The following PTPN14 variants were observed in gnomAD, a reference collection of about 807,000 sequenced individuals.
PTPN14 encodes the protein tyrosine-protein phosphatase non-receptor type 14.
PTPN14 carries 53 observed loss-of-function variants against 126.8 expected under a neutral mutation model. That is an observed-to-expected ratio of 0.42 (90% CI 0.34 to 0.53). The LOEUF (loss-of-function observed/expected upper bound fraction) is 0.53, where lower values mean the gene tolerates loss of function less well. Among genes scored for constraint, PTPN14 ranks in the 20% least tolerant of loss-of-function variants. PTPN14 has a pLI of 0.08. For synonymous variants in PTPN14, 630 were observed against 599.3 expected, an observed-to-expected ratio of 1.05 and a Z score of -0.75; for missense variants, 1,257 against 1,552.9, an observed-to-expected ratio of 0.81 and a Z score of 3.20.
intron 1 of PTPN14, among the ~76,000 whole-genome samples, chr1:214,543,415 T>C (rs1011033358): frequency 2.6e-5 from 4 of 152,186 alleles, no homozygotes; most frequent in African/African-American, 9.6e-5. Flanking sequence ...AGCTTAAAAA[T>C]GGAATTTGTC....
chr1:214,514,722 C>T (rs1055215735), intron 1 of PTPN14, among the ~76,000 whole-genome samples: 3 of 152,298 alleles, frequency 2.0e-5, no homozygotes, highest in East Asian at 1.9e-4. Flanking sequence ...CAAGCCTTCA[C>T]CCCATGACCC....
rs60776204 is a variant in PTPN14 at position 214,453,421 on chromosome 1, A to C, written c.175-1447T>G. ...ATCTTTTGCACTCACTGTCTCAGTA[A>C]CTTTACACAAGTCATTGAGCCTTCT... is the stretch of plus-strand genomic sequence containing the variant. On this transcript the variant is annotated intron_variant, in intron 2 of 18. Coordinates refer to ENST00000366956, the MANE Select transcript of PTPN14 (RefSeq NM_005401.5). 9.9e-3 allele frequency among the ~76,000 whole-genome samples: 1,510 copies of C among 152,316 alleles called. 12 individuals carry two copies. The highest frequency in any genetic ancestry group is 0.034 in the African/African-American group (1,430 of 41,568).
At chr1:214,523,315 T>G (rs1655306348) in intron 1 of PTPN14, among the ~76,000 whole-genome samples, 1 of 152,166 alleles carries the variant, frequency 6.6e-6, no homozygotes, top group African/African-American at 2.4e-5. Context: ...GAGCAATCTG[T>G]CATGCACTAC....
At chr1:214,509,488 G>A (rs180820197) in intron 1 of PTPN14, among the ~76,000 whole-genome samples, 4 of 152,324 alleles carry the variant, frequency 2.6e-5, no homozygotes, top group East Asian at 1.9e-4. Context: ...TTTGTGGTTG[G>A]TTCAATCTAT....
At chr1:214,474,005 A>C (rs2102666056) in intron 1 of PTPN14, among the ~76,000 whole-genome samples, 1 of 152,364 alleles carries the variant, frequency 6.6e-6, no homozygotes, top group South Asian at 2.1e-4. Flanking sequence ...AGCACATTTT[A>C]AGATTCCATT....
intron 2 of PTPN14, among the ~76,000 whole-genome samples, chr1:214,457,025 T>A (rs1395279754): frequency 6.6e-6 from 1 of 152,202 alleles, no homozygotes; most frequent in Non-Finnish European, 1.5e-5. Context: ...TTTAATTGAG[T>A]ACCCCCCAAA....
chr1:214,396,927 T>C (rs1658892769), intron 8 of PTPN14, among the ~76,000 whole-genome samples: 1 of 152,250 alleles, frequency 6.6e-6, no homozygotes, highest in Non-Finnish European at 1.5e-5. Flanking sequence ...TTATACTTTG[T>C]GGCAGATATA....
intron 17 of PTPN14, among the ~76,000 whole-genome samples, chr1:214,368,238 T>C (rs1290339780): frequency 1.3e-5 from 2 of 150,996 alleles, no homozygotes; most frequent in Non-Finnish European, 2.9e-5. Flanking sequence ...GATGGAGTTT[T>C]GCTCTTGTTG....
chr1:214,387,056 C>A, intron 11 of PTPN14, 134 bp from the exon 12 acceptor site: 2 of 721,840 alleles, frequency 2.8e-6, no homozygotes, highest in Non-Finnish European at 4.7e-6. Context: ...CCTGCCACCC[C>A]TTTGACTCAA....
At chr1:214,544,622 A>T (rs751480907) in intron 1 of PTPN14, among the ~76,000 whole-genome samples, 6 of 151,932 alleles carry the variant, frequency 3.9e-5, no homozygotes, top group Non-Finnish European at 7.4e-5. Flanking sequence ...TGGTGGCTGT[A>T]TGCCTGTAAT....
chr1:214,525,219 CTT>C (rs926019406), intron 1 of PTPN14, among the ~76,000 whole-genome samples: 1 of 152,156 alleles, frequency 6.6e-6, no homozygotes, highest in African/African-American at 2.4e-5. Flanking sequence ...GAATATGTAT[CTT>C]TTTCCACAGT....
intron 3 of PTPN14, among the ~76,000 whole-genome samples, chr1:214,418,172 G>T (rs1355627758): frequency 6.6e-6 from 1 of 152,180 alleles, no homozygotes; most frequent in Non-Finnish European, 1.5e-5. Context: ...GCTTCCCTTT[G>T]CTCTGAGGCC....
chr1:214,426,297 T>A (rs1254367893), intron 3 of PTPN14, among the ~76,000 whole-genome samples: 1 of 152,110 alleles, frequency 6.6e-6, no homozygotes, highest in Non-Finnish European at 1.5e-5. Flanking sequence ...AAAATCATGC[T>A]TGATATTTTC....
intron 1 of PTPN14, among the ~76,000 whole-genome samples, chr1:214,471,788 G>A (rs962001497): frequency 1.7e-4 from 26 of 152,190 alleles, no homozygotes; most frequent in African/African-American, 6.3e-4. Flanking sequence ...ATAAAGGAGA[G>A]AATCTTAGAC....
intron 1 of PTPN14, among the ~76,000 whole-genome samples, chr1:214,480,712 C>A (rs1660965416): frequency 1.3e-5 from 2 of 152,210 alleles, no homozygotes; most frequent in Non-Finnish European, 2.9e-5. Context: ...TGTTGCCCCC[C>A]ACCAAGTGTT....
chr1:214,540,065 T>C (rs1035269678), intron 1 of PTPN14, among the ~76,000 whole-genome samples: 2 of 152,196 alleles, frequency 1.3e-5, no homozygotes, highest in African/African-American at 4.8e-5. Context: ...CACATAATTA[T>C]ATAATATTCC....
intron 3 of PTPN14, among the ~76,000 whole-genome samples, chr1:214,436,765 C>G (rs1471279587): frequency 9.4e-6 from 1 of 106,004 alleles, no homozygotes; most frequent in African/African-American, 3.8e-5. Flanking sequence ...CCAGCCTGGG[C>G]GACAGAGAAA....
At chr1:214,509,999 G>T (rs1654934682) in intron 1 of PTPN14, among the ~76,000 whole-genome samples, 1 of 152,196 alleles carries the variant, frequency 6.6e-6, no homozygotes, top group African/African-American at 2.4e-5. Context: ...GTAGCTTTCA[G>T]GCTATCTTGG....
intron 1 of PTPN14, among the ~76,000 whole-genome samples, chr1:214,525,270 C>T (rs1172006508): frequency 6.6e-6 from 1 of 152,130 alleles, no homozygotes; most frequent in African/African-American, 2.4e-5. Context: ...AACCTCTTAC[C>T]CCAACCACTT....
Sources: allele counts gnomAD v4.1 joint callset (sites outside exome capture counted in the v4.1 genomes callset), GRCh38; gene constraint gnomAD v4.1.1; transcripts MANE v1.5; gene names NCBI Gene and HGNC (gene_info 2026-07-23, HGNC 2026-07-21).